The following RIMS2 variants were observed in gnomAD, a reference collection of about 807,000 sequenced individuals.
The protein encoded by RIMS2 is regulating synaptic membrane exocytosis protein 2.
Under a neutral mutation model 174.4 loss-of-function variants are expected in RIMS2, and 59 were observed. The observed-to-expected ratio is 0.34, with a 90% CI of 0.27 to 0.42. The LOEUF is 0.42. Ranked by LOEUF, RIMS2 falls within the 10% of genes least tolerant of loss-of-function variation. The probability of loss-of-function intolerance (pLI) is 1.00; values close to 1 mark genes in which losing one functional copy is unlikely to be tolerated. For missense variants in RIMS2, 1,620 were observed against 1,666.3 expected (o/e 0.97, Z 0.48); for synonymous variants, 606 against 572.5 (o/e 1.06, Z -0.84).
intron 8 of RIMS2, among the ~76,000 whole-genome samples, chr8:103,916,804 G>T (rs1241230730): frequency 6.6e-6 from 1 of 152,046 alleles, no homozygotes; most frequent in Non-Finnish European, 1.5e-5. Flanking sequence ...TTAGAAGGTG[G>T]TTATAGGATT....
intron 1 of RIMS2, among the ~76,000 whole-genome samples, chr8:103,565,327 C>T (rs904458278): frequency 6.6e-6 from 1 of 151,026 alleles, no homozygotes; most frequent in Admixed American, 6.6e-5. Flanking sequence ...TTTTTGGAGA[C>T]GAGGTCTCAC....
chr8:104,148,621 A>T (rs750359310), intron 19 of RIMS2: 5 of 1,597,874 alleles, frequency 3.1e-6, no homozygotes, highest in Non-Finnish European at 4.2e-6. Context: ...TTTACATCCA[A>T]AATGCAAAGC....
intron 19 of RIMS2, among the ~76,000 whole-genome samples, chr8:104,048,345 A>G (rs1405288158): frequency 1.3e-5 from 2 of 152,200 alleles, no homozygotes. Flanking sequence ...TATTTCAGTC[A>G]TGACCCAATA....
chr8:104,251,995 GAAGGCCCTCAGGTGAAA>G, downstream of RIMS2: 1 of 601,994 alleles, frequency 1.7e-6, no homozygotes, highest in Non-Finnish European at 2.9e-6. Context: ...GTGCCCTAAA[GAAGGCCCTCAGGTGAAA>G]GAGCAGAGCT....
At chr8:103,527,734 G>A (rs1834789041) in intron 1 of RIMS2, among the ~76,000 whole-genome samples, 1 of 152,090 alleles carries the variant, frequency 6.6e-6, no homozygotes, top group African/African-American at 2.4e-5. Flanking sequence ...CCTTTTTTAT[G>A]GATGCATAGT....
intron 1 of RIMS2, among the ~76,000 whole-genome samples, chr8:103,605,827 C>G (rs1403310034): frequency 1.3e-5 from 2 of 151,894 alleles, no homozygotes; most frequent in African/African-American, 4.8e-5. Flanking sequence ...GTTTGTATTT[C>G]TGTCGGATTG....
chr8:103,743,815 G>A (rs1235440714), intron 2 of RIMS2, among the ~76,000 whole-genome samples: 1 of 152,068 alleles, frequency 6.6e-6, no homozygotes, highest in African/African-American at 2.4e-5. Context: ...CCAAGTTAAA[G>A]AAATACACTT....
At chr8:103,629,620 A>G (rs1336922230) in intron 1 of RIMS2, among the ~76,000 whole-genome samples, 1 of 152,236 alleles carries the variant, frequency 6.6e-6, no homozygotes, top group African/African-American at 2.4e-5. Flanking sequence ...GAGAACTAGG[A>G]AAATTTCAAT....
intron 17 of RIMS2, among the ~76,000 whole-genome samples, chr8:103,990,086 A>G (rs1050177888): frequency 2.6e-5 from 4 of 152,102 alleles, no homozygotes; most frequent in South Asian, 2.1e-4. Context: ...TCTCTAATTC[A>G]TGCTTTGGTT....
intron 14 of RIMS2, among the ~76,000 whole-genome samples, chr8:103,951,317 G>A (rs577421648): frequency 6.6e-6 from 1 of 152,322 alleles, no homozygotes; most frequent in South Asian, 2.1e-4. Flanking sequence ...CACAATTGCT[G>A]GCAAGATGAC....
chr8:104,119,242 C>G (rs2098334537), intron 19 of RIMS2, among the ~76,000 whole-genome samples: 1 of 151,672 alleles, frequency 6.6e-6, no homozygotes, highest in South Asian at 2.1e-4. Context: ...CACCTGTAGT[C>G]CCAGCTACTC....
At chr8:104,113,810 A>G (rs922712371) in intron 19 of RIMS2, among the ~76,000 whole-genome samples, 1 of 151,972 alleles carries the variant, frequency 6.6e-6, no homozygotes, top group Non-Finnish European at 1.5e-5. Context: ...TTTTTTTTCA[A>G]ATAGAACAGG....
chr8:104,174,907 G>A (rs1293485739), intron 19 of RIMS2, among the ~76,000 whole-genome samples: 2 of 152,136 alleles, frequency 1.3e-5, no homozygotes, highest in East Asian at 3.9e-4. Context: ...GAACTAATTG[G>A]CTAATACATT....
intron 3 of RIMS2, among the ~76,000 whole-genome samples, chr8:103,831,155 G>A (rs1456287284): frequency 6.6e-6 from 1 of 152,066 alleles, no homozygotes; most frequent in Non-Finnish European, 1.5e-5. Context: ...TTTGTGAAAT[G>A]TTTCTCTTTT....
At chr8:103,971,116 T>C (rs913683251) in intron 15 of RIMS2, among the ~76,000 whole-genome samples, 2 of 152,188 alleles carry the variant, frequency 1.3e-5, no homozygotes, top group Non-Finnish European at 2.9e-5. Context: ...AAATAGACTA[T>C]ATATAGATAA....
At chr8:103,884,222 G>T (rs904073117) in intron 3 of RIMS2, among the ~76,000 whole-genome samples, 11 of 151,718 alleles carry the variant, frequency 7.3e-5, no homozygotes, top group Non-Finnish European at 1.2e-4. Context: ...TTGCTTTTGG[G>T]CTAAGAAACC....
chr8:103,927,943 A>G, intron 11 of RIMS2: 1 of 1,487,086 alleles, frequency 6.7e-7, no homozygotes, highest in South Asian at 1.3e-5. Flanking sequence ...CCCTATTTGT[A>G]TGTTTTTGGA....
chr8:103,758,592 C>G (rs999070329), intron 2 of RIMS2, among the ~76,000 whole-genome samples: 8 of 152,144 alleles, frequency 5.3e-5, no homozygotes, highest in Non-Finnish European at 8.8e-5. Flanking sequence ...GACCTGTGCT[C>G]TTATTCACTG....
intron 19 of RIMS2, among the ~76,000 whole-genome samples, chr8:104,071,750 T>C (rs1227525745): frequency 3.3e-5 from 5 of 152,192 alleles, no homozygotes; most frequent in African/African-American, 1.2e-4. Context: ...CCCTGTGTTT[T>C]AACAAGTCTA....
Sources: gnomAD v4.1 joint callset for allele counts (sites outside exome capture counted in the v4.1 genomes callset) on GRCh38, gnomAD v4.1.1 for gene constraint, MANE v1.5 for transcripts, NCBI Gene and HGNC (gene_info 2026-07-23, HGNC 2026-07-21) for gene names.